Variants in CTIF observed in about 807,000 individuals in gnomAD.
CTIF encodes cap binding complex dependent translation initiation factor.
Under a neutral mutation model 66.0 loss-of-function variants are expected in CTIF, and 21 were observed. The observed-to-expected ratio is 0.32, with a 90% CI of 0.23 to 0.46. The LOEUF (loss-of-function observed/expected upper bound fraction) is 0.46, where lower values mean the gene tolerates loss of function less well. Ranked by LOEUF, CTIF falls within the 20% of genes least tolerant of loss-of-function variation. The pLI, the probability that CTIF is intolerant of heterozygous loss-of-function variation, is 1.00. For missense variants in CTIF, 739 were observed against 812.7 expected, an observed-to-expected ratio of 0.91 and a Z score of 1.10; for synonymous variants, 345 against 326.4, an observed-to-expected ratio of 1.06 and a Z score of -0.62.
intron 10 of CTIF, among the ~76,000 whole-genome samples, chr18:48,821,755 A>G (rs1323961547): frequency 1.3e-5 from 2 of 152,352 alleles, no homozygotes; most frequent in Non-Finnish European, 2.9e-5. Context: ...TTGCTCTGCT[A>G]TTTACAACTC....
At chr18:48,747,965 AAAAG>A (rs1907409760) in intron 7 of CTIF, among the ~76,000 whole-genome samples, 1 of 151,550 alleles carries the variant, frequency 6.6e-6, no homozygotes, top group Non-Finnish European at 1.5e-5. Flanking sequence ...TTTAACAAAA[AAAAG>A]GAGGTTTTTG....
chr18:48,655,356 CGCAGGAA>C (rs2091230340), intron 3 of CTIF, among the ~76,000 whole-genome samples: 1 of 151,418 alleles, frequency 6.6e-6, no homozygotes, highest in Non-Finnish European at 1.5e-5. Context: ...TGAATGAGGC[CGCAGGAA>C]GCAGAAAGCA....
At chr18:48,765,388 C>T (rs913015547) in intron 9 of CTIF, among the ~76,000 whole-genome samples, 1 of 152,130 alleles carries the variant, frequency 6.6e-6, no homozygotes, top group African/African-American at 2.4e-5. Context: ...ACCACTTCCA[C>T]ACACAAGTTC....
chr18:48,583,351 T>C (rs941739544), intron 1 of CTIF, among the ~76,000 whole-genome samples: 9 of 152,194 alleles, frequency 5.9e-5, no homozygotes, highest in African/African-American at 2.2e-4. Flanking sequence ...GAATGCCCTG[T>C]TATCTTAATT....
intron 2 of CTIF, among the ~76,000 whole-genome samples, chr18:48,624,742 C>A (rs1002886559): frequency 1.3e-5 from 2 of 152,174 alleles, no homozygotes; most frequent in Non-Finnish European, 2.9e-5. Context: ...ACAGTGGGAG[C>A]AGGGCTGTCT....
At chr18:48,722,529 C>T (rs2145580634) in intron 7 of CTIF, among the ~76,000 whole-genome samples, 1 of 152,258 alleles carries the variant, frequency 6.6e-6, no homozygotes, top group African/African-American at 2.4e-5. Context: ...CCTCTCTGTC[C>T]TCTTGAGATC....
intron 1 of CTIF, among the ~76,000 whole-genome samples, chr18:48,561,235 C>CCAAA (rs2089153311): frequency 1.1e-5 from 1 of 92,356 alleles, no homozygotes; most frequent in Non-Finnish European, 2.0e-5. Context: ...GACTCTGTCT[C>CCAAA]AAAAAAAAAA....
intron 1 of CTIF, among the ~76,000 whole-genome samples, chr18:48,543,298 A>G (rs1348081862): frequency 6.6e-6 from 1 of 152,162 alleles, no homozygotes; most frequent in Non-Finnish European, 1.5e-5. Context: ...AGAATTCTCC[A>G]CACGTGGTGG....
chr18:48,613,824 C>T lies in CTIF; in HGVS notation c.-28-5714C>T, dbSNP rs189984024. 1.6e-4 allele frequency among the ~76,000 whole-genome samples: 24 copies of T among 152,314 alleles called. No individual in the cohort carries two copies. In the East Asian group the frequency reaches 3.7e-3, roughly 23 times the overall value. On this transcript the variant is annotated intron_variant, in intron 1 of 11. Transcript: ENST00000256413. ...GGGGCAGGTCCTGCTGCAGCCCGGG[C>T]CCTCTGTGTCCTCCAGAAAGCCGTG... is the stretch of plus-strand genomic sequence containing the variant.
At chr18:48,553,463 G>C (rs776381526) in intron 1 of CTIF, among the ~76,000 whole-genome samples, 8 of 152,138 alleles carry the variant, frequency 5.3e-5, no homozygotes, top group Non-Finnish European at 1.0e-4. Flanking sequence ...CGGGTGATGG[G>C]GTAATTCCCG....
intron 7 of CTIF, among the ~76,000 whole-genome samples, chr18:48,738,248 C>A (rs557547062): frequency 6.6e-6 from 1 of 152,234 alleles, no homozygotes; most frequent in African/African-American, 2.4e-5. Flanking sequence ...TACTCCTGCC[C>A]GCTGGGCCAA....
At chr18:48,659,343 C>T (rs564051971) in intron 3 of CTIF, among the ~76,000 whole-genome samples, 9 of 152,272 alleles carry the variant, frequency 5.9e-5, no homozygotes, top group South Asian at 4.1e-4. Flanking sequence ...CAGAGAGGCC[C>T]GATGCCTTGC....
rs201549056 is a variant in CTIF, at chr18:48,699,250, C to G, written c.508-12369C>G. On this transcript the variant is annotated intron_variant, in intron 6 of 11. Transcript: ENST00000256413. The stretch of plus-strand genomic sequence containing the variant: ...CTTTGAGTAACATTCTGCCCTTGAG[C>G]AGGTTCACAGACTGGCTGGTCCTCT... Among the ~76,000 whole-genome samples the G allele has an allele frequency of 4.6e-5, 7 of 152,344 alleles. No individual in the cohort carries two copies. The East Asian group carries it at 1.3e-3, about 29-fold the overall frequency.
At chr18:48,719,427 A>G (rs2092312197) in intron 7 of CTIF, among the ~76,000 whole-genome samples, 1 of 152,224 alleles carries the variant, frequency 6.6e-6, no homozygotes, top group African/African-American at 2.4e-5. Context: ...ATGAGGAATT[A>G]ACCTAGTCGG....
intron 7 of CTIF, among the ~76,000 whole-genome samples, chr18:48,734,100 C>G (rs2092478720): frequency 6.6e-6 from 1 of 152,216 alleles, no homozygotes; most frequent in Admixed American, 6.5e-5. Context: ...AGCCGTGGCT[C>G]AAACCCAGCA....
At chr18:48,554,592 G>C (rs1429489080) in intron 1 of CTIF, among the ~76,000 whole-genome samples, 1 of 152,246 alleles carries the variant, frequency 6.6e-6, no homozygotes, top group Admixed American at 6.5e-5. Context: ...TACTCTGGTG[G>C]GCTGGGAACA....
At chr18:48,792,621 G>A (rs1360155938) in intron 9 of CTIF, among the ~76,000 whole-genome samples, 2 of 152,162 alleles carry the variant, frequency 1.3e-5, no homozygotes, top group Non-Finnish European at 2.9e-5. Context: ...GTGGTGAAGT[G>A]ATTAGGGTGA....
At chr18:48,820,621 T>C (rs752091426) in intron 10 of CTIF, among the ~76,000 whole-genome samples, 3 of 152,174 alleles carry the variant, frequency 2.0e-5, no homozygotes, top group Non-Finnish European at 2.9e-5. Context: ...GCAGCTCTCA[T>C]GCAGGCCCCC....
At chr18:48,730,332 C>CCTGCTGTGTGAGGGGCTT (rs2092432066) in intron 7 of CTIF, among the ~76,000 whole-genome samples, 1 of 87,834 alleles carries the variant, frequency 1.1e-5, no homozygotes, top group Non-Finnish European at 2.5e-5. Context: ...GTGAGGGGCC[C>CCTGCTGTGTGAGGGGCTT]CTGCGGTGTG....
Sources: gnomAD v4.1 joint callset for allele counts (sites outside exome capture counted in the v4.1 genomes callset) on GRCh38, gnomAD v4.1.1 for gene constraint, MANE v1.5 for transcripts, NCBI Gene and HGNC (gene_info 2026-07-23, HGNC 2026-07-21) for gene names.